The following DACH2 variants were observed in gnomAD, a reference collection of about 807,000 sequenced individuals.
DACH2 encodes dachshund family transcription factor 2.
DACH2 carries 17 observed loss-of-function variants against 35.8 expected under a neutral mutation model. That is an observed-to-expected ratio of 0.48 (90% CI 0.33 to 0.71). The LOEUF is 0.71. Among genes scored for constraint, DACH2 ranks in the 30% least tolerant of loss-of-function variants. The pLI, the probability that DACH2 is intolerant of heterozygous loss-of-function variation, is 0.02. For missense variants in DACH2, 469 were observed against 472.7 expected (o/e 0.99, Z 0.07); for synonymous variants, 195 against 177.3 (o/e 1.10, Z -0.79).
chrX:86,421,840 A>G (rs766150097), intron 2 of DACH2, among the ~76,000 whole-genome samples: 32 of 111,007 alleles, frequency 2.9e-4, no homozygotes, highest in African/African-American at 9.5e-4. Context: ...GTTTTTTCCA[A>G]CCATTTGTAT....
chrX:86,596,142 AT>A (rs1393937351), intron 3 of DACH2, among the ~76,000 whole-genome samples: 2 of 112,006 alleles, frequency 1.8e-5, no homozygotes, highest in African/African-American at 6.5e-5. Flanking sequence ...ATATATTACA[AT>A]TTTTTAATCC....
chrX:86,330,040 C>A (rs567480988), intron 1 of DACH2, among the ~76,000 whole-genome samples: 6 of 111,492 alleles, frequency 5.4e-5, no homozygotes, highest in African/African-American at 2.0e-4. Context: ...ATAAGAGCAA[C>A]AAAATTGGAA....
intron 1 of DACH2, among the ~76,000 whole-genome samples, chrX:86,195,746 T>C (rs1468506381): frequency 1.8e-5 from 2 of 111,237 alleles, no homozygotes. Flanking sequence ...GTGCAGTGGA[T>C]TCCTAACCTC....
intron 4 of DACH2, among the ~76,000 whole-genome samples, chrX:86,692,871 T>C (rs749112202): frequency 1.6e-4 from 18 of 112,166 alleles, no homozygotes; most frequent in African/African-American, 5.8e-4. Flanking sequence ...TTAATCATGT[T>C]TATTGGCCTA....
intron 3 of DACH2, among the ~76,000 whole-genome samples, chrX:86,546,357 CTCTTCTTCTTCTTCTTCT>C (rs1195943792): frequency 1.1e-3 from 57 of 50,067 alleles, no homozygotes; most frequent in Admixed American, 5.8e-3. Context: ...CTTCTTCTTC[CTCTTCTTCTTCTTCTTCT>C]TCTTCTTCTT....
chrX:86,594,373 C>A (rs892660715), intron 3 of DACH2, among the ~76,000 whole-genome samples: 2 of 110,878 alleles, frequency 1.8e-5, no homozygotes, highest in South Asian at 7.5e-4. Context: ...CTTTTTTCTG[C>A]TTATTTTGTT....
chrX:86,663,796 GTC>G (rs2040635046), intron 4 of DACH2, among the ~76,000 whole-genome samples: 1 of 111,558 alleles, frequency 9.0e-6, no homozygotes, highest in Admixed American at 9.6e-5. Context: ...ATCAGACCAG[GTC>G]TCTTTTTTTT....
At chrX:86,283,132 T>C (rs1426707093) in intron 1 of DACH2, among the ~76,000 whole-genome samples, 5 of 106,205 alleles carry the variant, frequency 4.7e-5, no homozygotes, top group African/African-American at 1.4e-4. Context: ...GAGGAAAAGC[T>C]CTTCATCACT....
intron 3 of DACH2, among the ~76,000 whole-genome samples, chrX:86,529,866 A>G (rs766015928): frequency 9.2e-6 from 1 of 108,540 alleles, no homozygotes; most frequent in Admixed American, 1.0e-4. Flanking sequence ...CCTTAACGTA[A>G]TGACCTCCAT....
intron 1 of DACH2, among the ~76,000 whole-genome samples, chrX:86,289,288 C>G (rs920508954): frequency 9.4e-6 from 1 of 106,284 alleles, no homozygotes; most frequent in East Asian, 3.0e-4. Flanking sequence ...TCTTATCTCT[C>G]CTCTCCTCAA....
chrX:86,215,549 A>T (rs942117047), intron 1 of DACH2, among the ~76,000 whole-genome samples: 1 of 111,511 alleles, frequency 9.0e-6, no homozygotes. Context: ...AGCATGGCAT[A>T]AAAAGGAAAC....
intron 1 of DACH2, among the ~76,000 whole-genome samples, chrX:86,355,000 G>C (rs917879705): frequency 1.8e-5 from 2 of 111,923 alleles, no homozygotes; most frequent in Non-Finnish European, 3.8e-5. Context: ...TTGGTGTACA[G>C]TTATTTTGTC....
chrX:86,819,828 A>G (rs955777785), intron 11 of DACH2, among the ~76,000 whole-genome samples: 5 of 111,719 alleles, frequency 4.5e-5, no homozygotes, highest in African/African-American at 1.6e-4. Flanking sequence ...GAACAGCAGT[A>G]ACATGAACTG....
chrX:86,752,398 GT>G (rs2041783783), intron 7 of DACH2, among the ~76,000 whole-genome samples: 2 of 111,122 alleles, frequency 1.8e-5, no homozygotes, highest in South Asian at 7.5e-4. Flanking sequence ...TTTTATGTCT[GT>G]TTTGGAGAAA....
intron 1 of DACH2, among the ~76,000 whole-genome samples, chrX:86,271,552 G>A (rs1408995203): frequency 9.0e-6 from 1 of 111,671 alleles, no homozygotes; most frequent in Non-Finnish European, 1.9e-5. Flanking sequence ...GTAGGAATTG[G>A]TTGAGCAGGG....
chrX:86,386,185 C>CT (rs1449408043), intron 2 of DACH2, among the ~76,000 whole-genome samples: 1 of 111,504 alleles, frequency 9.0e-6, no homozygotes, highest in African/African-American at 3.3e-5. Flanking sequence ...TTTCAATGAC[C>CT]TTGATAGTTT....
Position 86,816,095 on chromosome X carries a change from G to A in DACH2, c.1746G>A (p.Met582Ile), listed in dbSNP as rs377246985. ...NNGTPHDSAA[M>I]QGGNYYCLEM... ...GGACTCCTCATGATAGTGCTGCTAT[G>A]CAAGGTACAGTCAACTGAAAACTTC... is the stretch of plus-strand genomic sequence containing the variant. The change falls in exon 11 of 12, where the codon ATG becomes ATA. Residue 582 changes from methionine (M) to isoleucine (I), a missense_variant. Around this residue, in one of 3 missense-constraint regions of DACH2, gnomAD observed 363 missense variants for 334.4 expected, o/e 1.09. Coordinates refer to ENST00000373125, the MANE Select transcript of DACH2 (RefSeq NM_053281.3). 14 of 1,163,878 alleles carry A rather than the reference G, an allele frequency of 1.2e-5. No homozygotes were observed. In the African/African-American group the frequency reaches 2.6e-4, roughly 21 times the overall value.
At chrX:86,196,975 C>T (rs965960578) in intron 1 of DACH2, among the ~76,000 whole-genome samples, 4 of 110,178 alleles carry the variant, frequency 3.6e-5, no homozygotes, top group South Asian at 3.8e-4. Context: ...TCTCCAAGGT[C>T]GAAATGAAAG....
chrX:86,273,143 G>A (rs2033845455), intron 1 of DACH2, among the ~76,000 whole-genome samples: 1 of 111,570 alleles, frequency 9.0e-6, no homozygotes, highest in Non-Finnish European at 1.9e-5. Flanking sequence ...AGACCTTTTT[G>A]TAGTTCCCCA....
Sources: allele counts gnomAD v4.1 joint callset (sites outside exome capture counted in the v4.1 genomes callset), GRCh38; gene constraint gnomAD v4.1.1; regional missense constraint gnomAD v4.1.1; transcripts MANE v1.5; gene names NCBI Gene and HGNC (gene_info 2026-07-23, HGNC 2026-07-21).